TIAM1: variants seen among roughly 807,000 people sequenced by gnomAD.
The protein encoded by TIAM1 is rho guanine nucleotide exchange factor TIAM1.
Under a neutral mutation model 163.5 loss-of-function variants are expected in TIAM1, and 65 were observed. The observed-to-expected ratio is 0.40, with a 90% CI of 0.33 to 0.49. The LOEUF (loss-of-function observed/expected upper bound fraction) is 0.49, where lower values mean the gene tolerates loss of function less well. TIAM1 is among the 20% of genes least tolerant of loss of function. The pLI, the probability that TIAM1 is intolerant of heterozygous loss-of-function variation, is 0.77. For missense variants in TIAM1, 1,789 were observed against 2,044.7 expected (o/e 0.87, Z 2.41); for synonymous variants, 833 against 810.1 (o/e 1.03, Z -0.48).
intron 2 of TIAM1, among the ~76,000 whole-genome samples, chr21:31,378,842 A>G (rs112522246): frequency 4.7e-4 from 72 of 152,330 alleles, no homozygotes; most frequent in African/African-American, 1.4e-3. Flanking sequence ...TTCCCTAAAT[A>G]ATGCAGTATA....
At chr21:31,549,111 TG>T (rs2048596994) in intron 1 of TIAM1, among the ~76,000 whole-genome samples, 1 of 152,212 alleles carries the variant, frequency 6.6e-6, no homozygotes, top group Non-Finnish European at 1.5e-5. Context: ...ATAAAATAAC[TG>T]AGTGATTCAG....
chr21:31,191,811 C>T (rs183944388), intron 13 of TIAM1, among the ~76,000 whole-genome samples: 1 of 152,280 alleles, frequency 6.6e-6, no homozygotes, highest in East Asian at 1.9e-4. Context: ...TGTATACAAA[C>T]GGTAGCAGTT....
rs144920433 is a variant in TIAM1 at position 31,313,520 on chromosome 21, T to C, written c.-189+25723A>G. Among the ~76,000 whole-genome samples the C allele has an allele frequency of 2.6e-5, 4 of 152,316 alleles. No individual in the cohort carries two copies. The East Asian group carries it at 7.7e-4, about 29-fold the overall frequency. On this transcript the variant is annotated intron_variant, in intron 2 of 27. Coordinates refer to ENST00000541036, the MANE Select transcript of TIAM1 (RefSeq NM_001353694.2). ...GAAAAGAAAGATTGTTCTTTTAATG[T>C]CATTCATGATATGTGGGGGCAAAAT...
At chr21:31,368,706 A>G (rs1027486578) in intron 2 of TIAM1, among the ~76,000 whole-genome samples, 4 of 152,190 alleles carry the variant, frequency 2.6e-5, no homozygotes, top group Non-Finnish European at 4.4e-5. Context: ...AGGACGGGAG[A>G]AAAACTCAGT....
At chr21:31,441,535 T>C (rs749090505) in intron 2 of TIAM1, among the ~76,000 whole-genome samples, 16 of 152,286 alleles carry the variant, frequency 1.1e-4, no homozygotes, top group South Asian at 6.2e-4. Flanking sequence ...AGCCACAATA[T>C]GGAAGGAGCC....
rs866688366 is a variant in TIAM1, at chr21:31,120,476, T to C, written c.4668A>G (p.Gln1556=). ...HASRMAQLKK[Q]AALSGINGGL... is the part of the protein sequence containing the mutation. ...CTCCATTGATCCCCGACAGGGCAGC[T>C]TGCTTCTTGAGCTGTGCCATGCGGG... Residue 1556 remains glutamine (Q), a synonymous_variant, in exon 28 of 28, where the codon CAA becomes CAG. Transcript: ENST00000541036. The surrounding 1 kb of genome is among the most constrained non-coding windows in gnomAD (Gnocchi z 4.2). 3 of 1,614,236 alleles carry C rather than the reference T, an allele frequency of 1.9e-6. No homozygotes were observed. The highest frequency in any genetic ancestry group is 1.6e-4 in the Middle Eastern group (1 of 6,062).
At chr21:31,327,934 C>G (rs2075549923) in intron 2 of TIAM1, among the ~76,000 whole-genome samples, 1 of 152,048 alleles carries the variant, frequency 6.6e-6, no homozygotes, top group Non-Finnish European at 1.5e-5. Context: ...AAAGGCTTCC[C>G]ATCTCACCAG....
intron 1 of TIAM1, among the ~76,000 whole-genome samples, chr21:31,546,202 AC>A (rs1401985602): frequency 2.9e-5 from 4 of 136,606 alleles, no homozygotes; most frequent in Admixed American, 2.3e-4. Context: ...AAAAAAAAAA[AC>A]TGTGATGGAA....
intron 9 of TIAM1, among the ~76,000 whole-genome samples, chr21:31,216,366 T>G (rs753513182): frequency 1.3e-5 from 2 of 152,148 alleles, no homozygotes; most frequent in Admixed American, 6.5e-5. Flanking sequence ...CACAAGGGCA[T>G]GCGGTGAATA....
In TIAM1 at chr21:31,187,019, C is replaced by G; in HGVS notation, c.2644G>C (p.Gly882Arg). 1 of 1,614,048 alleles carries G rather than the reference C, an allele frequency of 6.2e-7. No homozygotes were observed. The highest frequency in any genetic ancestry group is 8.5e-7 in the Non-Finnish European group (1 of 1,179,960). Residue 882 changes from glycine to arginine, a missense_variant, in exon 14 of 28, where the codon GGT becomes CGT. Gly to Arg is a moderately radical substitution (Grantham distance 125). Around this residue, in one of 5 missense-constraint regions of TIAM1, gnomAD observed 456 missense variants for 586.6 expected, o/e 0.78. Coordinates refer to ENST00000541036, the MANE Select transcript of TIAM1 (RefSeq NM_001353694.2). Reference sequence around the variant, plus strand: ...GACTTACCTTTCTTGGAAGCTAAACCGGTTTCCTTCACACTATTCACGTAC... The same window carrying G: ...GACTTACCTTTCTTGGAAGCTAAACGGGTTTCCTTCACACTATTCACGTAC... Reference protein sequence around the residue: ...RLYVNSVKETGLASKKGLKAG... With the variant: ...RLYVNSVKETRLASKKGLKAG...
chr21:31,487,006 T>C (rs2046294704), intron 1 of TIAM1, among the ~76,000 whole-genome samples: 1 of 152,148 alleles, frequency 6.6e-6, no homozygotes, highest in Non-Finnish European at 1.5e-5. Context: ...GAATGTGGGA[T>C]GGCAGATCTT....
chr21:31,360,187 T>C (rs2076385380), intron 2 of TIAM1, among the ~76,000 whole-genome samples: 1 of 152,232 alleles, frequency 6.6e-6, no homozygotes, highest in South Asian at 2.1e-4. Context: ...TGAACTGGTA[T>C]CTTCTAAGTG....
chr21:31,323,265 G>A (rs1237233397), intron 2 of TIAM1, among the ~76,000 whole-genome samples: 1 of 150,828 alleles, frequency 6.6e-6, no homozygotes, highest in Non-Finnish European at 1.5e-5. Flanking sequence ...TCCAGCCTGG[G>A]CAACAGAGCG....
At chr21:31,382,082 G>A (rs2076788064) in intron 2 of TIAM1, among the ~76,000 whole-genome samples, 1 of 152,192 alleles carries the variant, frequency 6.6e-6, no homozygotes. Flanking sequence ...AGAGACTTGT[G>A]CAGAAGACAT....
Position 31,517,700 on chromosome 21 carries a change from T to C in TIAM1, c.-422+41227A>G, listed in dbSNP as rs1031272776. On this transcript the variant is annotated intron_variant, in intron 1 of 28. Transcript: ENST00000286827. Reference sequence around the variant, plus strand: ...GAATTAAAGACACTTAAACAACAGATGCAAGAAGGGCACTCTGACCTCCTT... The same window carrying C: ...GAATTAAAGACACTTAAACAACAGACGCAAGAAGGGCACTCTGACCTCCTT... Among the ~76,000 whole-genome samples, 8 of 152,292 alleles carry C rather than the reference T, an allele frequency of 5.3e-5. No homozygotes were observed. In the South Asian group the frequency reaches 1.4e-3, roughly 28 times the overall value.
At chr21:31,248,451 C>T (rs994797794) in intron 5 of TIAM1, among the ~76,000 whole-genome samples, 1 of 152,208 alleles carries the variant, frequency 6.6e-6, no homozygotes, top group African/African-American at 2.4e-5. Flanking sequence ...CTGAGAACCA[C>T]GTTCTCCCTG....
intron 1 of TIAM1, among the ~76,000 whole-genome samples, chr21:31,484,426 C>G (rs775517963): frequency 6.6e-6 from 1 of 152,192 alleles, no homozygotes; most frequent in African/African-American, 2.4e-5. Context: ...CACAATGGAG[C>G]TAGCACTGTG....
chr21:31,213,509 G>T (rs2086999091), intron 9 of TIAM1, 37 bp from the exon 10 acceptor site: 1 of 1,585,826 alleles, frequency 6.3e-7, no homozygotes. Context: ...AAAGGAATCT[G>T]GGCAACAGGG....
At chr21:31,529,126 A>G (rs1021429213) in intron 1 of TIAM1, among the ~76,000 whole-genome samples, 8 of 151,670 alleles carry the variant, frequency 5.3e-5, no homozygotes, top group Non-Finnish European at 1.2e-4. Context: ...TCACCGTGTT[A>G]GCCAGGATGG....
Sources: allele counts gnomAD v4.1 joint callset (sites outside exome capture counted in the v4.1 genomes callset), GRCh38; gene constraint gnomAD v4.1.1; regional missense constraint gnomAD v4.1.1; non-coding constraint Gnocchi (gnomAD v3.1); transcripts MANE v1.5; gene names NCBI Gene and HGNC (gene_info 2026-07-23, HGNC 2026-07-21).